SORBS2: variants seen among roughly 807,000 people sequenced by gnomAD.
SORBS2 encodes the protein sorbin and SH3 domain-containing protein 2.
SORBS2 carries 46 observed loss-of-function variants against 97.7 expected under a neutral mutation model. The ratio of observed to expected loss-of-function variants is 0.47; its 90% CI spans 0.37 to 0.60. The LOEUF is 0.60. Among genes scored for constraint, SORBS2 ranks in the 20% least tolerant of loss-of-function variants. The pLI, the probability that SORBS2 is intolerant of heterozygous loss-of-function variation, is 0.00. For missense variants in SORBS2, 1,316 were observed against 1,282.3 expected, an observed-to-expected ratio of 1.03 and a Z score of -0.40; for synonymous variants, 476 against 473.4, an observed-to-expected ratio of 1.01 and a Z score of -0.07.
rs796747417 is a variant in SORBS2, at chr4:185,740,765, TAACTCAGCCCAGCACC to T, written c.-198+34446_-198+34461del. Among the ~76,000 whole-genome samples the T allele has an allele frequency of 2.2e-3, 329 of 149,168 alleles. 2 individuals carry two copies. Among genetic ancestry groups the T allele is most frequent in the Non-Finnish European group, 2.3e-3 (155 of 67,030 alleles). On this transcript the variant is annotated intron_variant, in intron 2 of 20. Coordinates refer to the SORBS2 transcript ENST00000284776. ...GCCCAGCACCAGCTCAGCCCAACGC[TAACTCAGCCCAGCACC>T]AACTCAGCCCAGCACCAACTCAGCC... is the stretch of plus-strand genomic sequence containing the variant.
intron 1 of SORBS2, among the ~76,000 whole-genome samples, chr4:185,874,821 A>G (rs2099232413): frequency 7.5e-6 from 1 of 133,400 alleles, no homozygotes; most frequent in Non-Finnish European, 1.6e-5. Context: ...ATTTTATCCC[A>G]AAGTTAAAGC....
At position 185,786,882 on chromosome 4, in the gene SORBS2, G is replaced by A. The variant is rs183864676; in HGVS notation, c.-337-11516C>T. ...GAGGCTGAGGCAGGAGAATTTGCTTGAACTCGGGAGGTGGAGTTTGCAGTG... is the reference window on the plus strand; with the variant it reads ...GAGGCTGAGGCAGGAGAATTTGCTTAAACTCGGGAGGTGGAGTTTGCAGTG... On this transcript the variant is annotated intron_variant, in intron 1 of 20. Coordinates refer to the SORBS2 transcript ENST00000284776. Among the ~76,000 whole-genome samples, 478 of 149,418 alleles carry A rather than the reference G, an allele frequency of 3.2e-3. 1 individual carries two copies. Among genetic ancestry groups the A allele is most frequent in the African/African-American group, 0.011 (440 of 40,582 alleles).
At chr4:185,862,885 T>C (rs1237670845) in intron 1 of SORBS2, among the ~76,000 whole-genome samples, 1 of 152,164 alleles carries the variant, frequency 6.6e-6, no homozygotes, top group Non-Finnish European at 1.5e-5. Context: ...ATAATTACAG[T>C]TGGGCAGCTG....
At chr4:185,646,591 G>T in intron 4 of SORBS2, 77 bp downstream of exon 13, 1 of 787,612 alleles carries the variant, frequency 1.3e-6, no homozygotes. Context: ...ATTGCTAATG[G>T]GTCTGAAATT....
intron 2 of SORBS2, among the ~76,000 whole-genome samples, chr4:185,739,127 T>C (rs918634587): frequency 5.3e-5 from 8 of 152,246 alleles, no homozygotes; most frequent in African/African-American, 1.9e-4. Flanking sequence ...ATCTTGCTGC[T>C]GGATAAAGCA....
In SORBS2 at chr4:185,928,475, CA is replaced by C. The variant is rs377766183; in HGVS notation, c.-338+27720del. ...ACAAAGAGAAAAACTACTTTATAGA[CA>C]GGTCTTGAGCACTGCGGGAGAGTCA... On this transcript the variant is annotated intron_variant, in intron 1 of 20. Transcript: ENST00000284776. Among the ~76,000 whole-genome samples the C allele has an allele frequency of 5.5e-3, 845 of 152,306 alleles. 9 individuals are homozygous for C. Among genetic ancestry groups the C allele is most frequent in the African/African-American group, 0.019 (808 of 41,570 alleles).
At chr4:185,643,507 A>G (rs80314936) in intron 4 of SORBS2, among the ~76,000 whole-genome samples, 4,457 of 152,210 alleles carry the variant, frequency 0.029, 192 homozygotes, top group African/African-American at 0.1. Context: ...AAGATTTTCT[A>G]AAGATTGCCT....
chr4:185,795,150 A>G (rs1002037605), intron 1 of SORBS2, among the ~76,000 whole-genome samples: 4 of 152,156 alleles, frequency 2.6e-5, no homozygotes, highest in African/African-American at 9.7e-5. Context: ...TCTATAACTT[A>G]TTCATCATAC....
intron 2 of SORBS2, among the ~76,000 whole-genome samples, chr4:185,734,440 G>T (rs1477267905): frequency 5.9e-5 from 9 of 152,112 alleles, no homozygotes. Flanking sequence ...TTTAGGTGGG[G>T]GTGAAGCAGG....
At chr4:185,903,735 C>A (rs1331971687) in intron 1 of SORBS2, among the ~76,000 whole-genome samples, 1 of 152,234 alleles carries the variant, frequency 6.6e-6, no homozygotes, top group East Asian at 1.9e-4. Context: ...CTGTAAGGAC[C>A]CTGTGATGAT....
chr4:185,949,289 G>A (rs1024321043), intron 1 of SORBS2, among the ~76,000 whole-genome samples: 1 of 152,214 alleles, frequency 6.6e-6, no homozygotes, highest in Non-Finnish European at 1.5e-5. Flanking sequence ...AGTCTCTTTG[G>A]TGGTACACCC....
chr4:185,879,169 C>CGCT (rs879862691), intron 1 of SORBS2, among the ~76,000 whole-genome samples: 2 of 89,276 alleles, frequency 2.2e-5, no homozygotes, highest in African/African-American at 5.0e-5. Flanking sequence ...TATCCCTCCC[C>CGCT]CCCCCCCACC....
chr4:185,770,663 GTCA>G (rs973508297), intron 2 of SORBS2, among the ~76,000 whole-genome samples: 2 of 151,732 alleles, frequency 1.3e-5, no homozygotes, highest in African/African-American at 4.8e-5. Flanking sequence ...ACTGTTTTGT[GTCA>G]TCATGTCCTG....
At chr4:185,836,335 C>G (rs1407842798) in intron 1 of SORBS2, among the ~76,000 whole-genome samples, 1 of 152,212 alleles carries the variant, frequency 6.6e-6, no homozygotes, top group Non-Finnish European at 1.5e-5. Context: ...CTCAAAGCAG[C>G]AGCTACTCTG....
In SORBS2 at chr4:185,796,421, T is replaced by A. The variant is rs1054778552; in HGVS notation, c.-337-21055A>T. On this transcript the variant is annotated intron_variant, in intron 1 of 20. Transcript: ENST00000284776. ...GCCATACCAATGGCTCCCAGGGCCC[T>A]GCAGATTTATATGAAATCCATCGCT... Among the ~76,000 whole-genome samples, 18 of 152,248 alleles carry A rather than the reference T, an allele frequency of 1.2e-4. 1 individual carries two copies. Among genetic ancestry groups the A allele is most frequent in the African/African-American group, 4.1e-4 (17 of 41,476 alleles).
intron 1 of SORBS2, among the ~76,000 whole-genome samples, chr4:185,821,315 G>C (rs769354): frequency 9.2e-4 from 140 of 152,328 alleles, no homozygotes; most frequent in African/African-American, 3.2e-3. Flanking sequence ...AAGCAGAGGC[G>C]AGGTGGACAG....
intron 1 of SORBS2, among the ~76,000 whole-genome samples, chr4:185,842,930 T>TGAA (rs1228138327): frequency 2.5e-5 from 3 of 122,386 alleles, no homozygotes; most frequent in African/African-American, 9.3e-5. Context: ...AAAGACTGTC[T>TGAA]AAAAAAAAAA....
chr4:185,614,911 C>A (rs1425760061), exon 11 of SORBS2: 4 of 1,614,156 alleles, frequency 2.5e-6, no homozygotes, highest in Non-Finnish European at 1.7e-6. Context: ...CCGGGCTGGG[C>A]TGGCGGAGGT....
chr4:185,721,733 G>A (rs992433590), intron 2 of SORBS2, among the ~76,000 whole-genome samples: 2 of 152,182 alleles, frequency 1.3e-5, no homozygotes, highest in Non-Finnish European at 2.9e-5. Context: ...TGTTTTGCAC[G>A]CATTGGAAAG....
Sources: allele counts gnomAD v4.1 joint callset (sites outside exome capture counted in the v4.1 genomes callset), GRCh38; gene constraint gnomAD v4.1.1; transcripts MANE v1.5; gene names NCBI Gene and HGNC (gene_info 2026-07-23, HGNC 2026-07-21).